The following NUP160 variants were observed in gnomAD, a reference collection of about 807,000 sequenced individuals.
The protein encoded by NUP160 is nucleoporin 160.
A neutral mutation model predicts 196.9 loss-of-function variants in NUP160; 94 were observed. The observed-to-expected ratio is 0.48, with a 90% CI of 0.40 to 0.57. The LOEUF is 0.57. NUP160 is among the 20% of genes least tolerant of loss of function. The pLI is 0.00. For synonymous variants in NUP160, 605 were observed against 619.7 expected (o/e 0.98, Z 0.35); for missense variants, 1,638 against 1,748.3 (o/e 0.94, Z 1.13).
rs1164772188 is a variant in NUP160, at chr11:47,782,289, T to TAAAAAAAAAAA, written c.4116+773_4116+783dup. Among the ~76,000 whole-genome samples, 3 of 31,876 alleles carry TAAAAAAAAAAA rather than the reference T, an allele frequency of 9.4e-5. 1 individual carries two copies. The African/African-American group carries it at 1.4e-3, about 15-fold the overall frequency. The allele number at this position is 31,876 out of a possible 152,430, so 20.9% of individuals were successfully genotyped here. A position where few individuals can be genotyped will look rare whatever the true frequency, so the allele number is the denominator to read the frequency against. On this transcript the variant is annotated intron_variant, in intron 34 of 35. Transcript: ENST00000378460. ...CTTGGGCAACAGAGCAAAACTCAGTTAAAAAAAAAAAAAAATATATATATA... is the reference window on the plus strand; with the variant it reads ...CTTGGGCAACAGAGCAAAACTCAGTTAAAAAAAAAAAAAAAAAAAAAAAAAATATATATATA...
intron 2 of NUP160, among the ~76,000 whole-genome samples, chr11:47,847,647 G>GA (rs1852424598): frequency 1.1e-5 from 1 of 93,024 alleles, no homozygotes; most frequent in Non-Finnish European, 2.5e-5. Flanking sequence ...GTGTGTGGGG[G>GA]TGGGGGGGGG....
rs141557091 is a variant in NUP160, at chr11:47,836,709, A to G, written c.942+178T>C. ...TAATTTTTCCAAATAAAAAGACAGT[A>G]AGTTAGGAGGAAAATATATGCAAAA... On this transcript the variant is annotated intron_variant, in intron 6 of 35. Coordinates refer to ENST00000378460, the Ensembl canonical transcript of NUP160. Among the ~76,000 whole-genome samples, 266 of 152,350 alleles carry G rather than the reference A, an allele frequency of 1.7e-3. 2 individuals are homozygous for G. Among genetic ancestry groups the G allele is most frequent in the African/African-American group, 6.0e-3 (250 of 41,582 alleles).
chr11:47,797,291 C>T (rs537353930), intron 27 of NUP160, among the ~76,000 whole-genome samples: 6 of 152,174 alleles, frequency 3.9e-5, no homozygotes, highest in African/African-American at 1.4e-4. Flanking sequence ...AGTGAAGTGG[C>T]GTGATCTTGG....
At chr11:47,803,599 C>A in intron 21 of NUP160, 63 bp from the exon 22 acceptor site, 1 of 865,694 alleles carries the variant, frequency 1.2e-6, no homozygotes. Flanking sequence ...GATACTCATT[C>A]CCAAGTTATT....
exon 34 of NUP160, chr11:47,783,152 A>T (rs1299152685): frequency 1.2e-6 from 2 of 1,613,968 alleles, no homozygotes; most frequent in South Asian, 2.2e-5. Context: ...TTCTTCTAAA[A>T]GGTCATAGTT....
chr11:47,794,180 C>A lies in NUP160; in HGVS notation c.3290-1234G>T, dbSNP rs138150619. On this transcript the variant is annotated intron_variant, in intron 27 of 35. Coordinates refer to ENST00000378460, the Ensembl canonical transcript of NUP160. ...CACAATATTGTGAATGCACTTAACACTCCCAAACTGTACACTTAAAAATGG... is the reference window on the plus strand; with the variant it reads ...CACAATATTGTGAATGCACTTAACAATCCCAAACTGTACACTTAAAAATGG... Among the ~76,000 whole-genome samples, 37 of 152,294 alleles carry A rather than the reference C, an allele frequency of 2.4e-4. No individual in the cohort carries two copies. In the East Asian group the frequency reaches 6.0e-3, roughly 25 times the overall value.
At position 47,792,963 on chromosome 11, in the gene NUP160, A is replaced by C. The variant is rs1430892448; in HGVS notation, c.3290-17T>G. ...CTGTGCCAGCTATGAGGAGATAATA[A>C]ATTAGACTTTAGAACTTCCAAATTT... On this transcript the variant is annotated splice_polypyrimidine_tract_variant and intron_variant, in intron 27 of 35. Coordinates refer to ENST00000378460, the Ensembl canonical transcript of NUP160. 1.3e-6 allele frequency: 2 copies of C among 1,594,930 alleles called. No homozygotes were observed. Among genetic ancestry groups the C allele is most frequent in the South Asian group, 1.1e-5 (1 of 87,614 alleles).
At chr11:47,783,539 A>G (rs2097662729) in intron 33 of NUP160, among the ~76,000 whole-genome samples, 1 of 152,224 alleles carries the variant, frequency 6.6e-6, no homozygotes, top group Non-Finnish European at 1.5e-5. Flanking sequence ...TTTCCTGAAC[A>G]CTAAAGTGAC....
At chr11:47,788,531 G>T in exon 30 of NUP160, 3 of 1,613,940 alleles carry the variant, frequency 1.9e-6, no homozygotes, top group Non-Finnish European at 2.5e-6. Context: ...GGATCATGCT[G>T]AGCCAAAGTG....
intron 2 of NUP160, among the ~76,000 whole-genome samples, chr11:47,842,238 T>C (rs1852319625): frequency 1.3e-5 from 2 of 152,124 alleles, no homozygotes; most frequent in Non-Finnish European, 2.9e-5. Flanking sequence ...ACCTTGATCC[T>C]GGACCATCTT....
chr11:47,848,348 A>G, exon 1 of NUP160: 2 of 1,613,102 alleles, frequency 1.2e-6, no homozygotes, highest in Middle Eastern at 1.7e-4. Flanking sequence ...CGCCCAACGG[A>G]ACAAAGGCAG....
chr11:47,781,465 A>G (rs2097660798), intron 34 of NUP160, among the ~76,000 whole-genome samples: 2 of 151,972 alleles, frequency 1.3e-5, no homozygotes, highest in African/African-American at 2.4e-5. Context: ...GGTTCTCACT[A>G]TGTTGCCAAG....
intron 2 of NUP160, among the ~76,000 whole-genome samples, chr11:47,842,322 G>C (rs575350640): frequency 1.6e-4 from 24 of 152,258 alleles, no homozygotes; most frequent in Middle Eastern, 3.4e-3. Context: ...CAGCGCTGAT[G>C]ATTTCCCAGA....
At chr11:47,836,816 C>A in intron 6 of NUP160, 71 bp downstream of exon 6, 1 of 938,538 alleles carries the variant, frequency 1.1e-6, no homozygotes, top group Non-Finnish European at 1.7e-6. Flanking sequence ...AGAGAAACAG[C>A]AAAATTTACT....
At chr11:47,835,295 G>A (rs574613813) in intron 7 of NUP160, among the ~76,000 whole-genome samples, 13 of 152,118 alleles carry the variant, frequency 8.5e-5, no homozygotes, top group Non-Finnish European at 1.9e-4. Flanking sequence ...CTCATCTACA[G>A]ACAGCAGCTA....
chr11:47,835,876 A>C, intron 6 of NUP160, 67 bp from the exon 7 acceptor site: 1 of 1,253,214 alleles, frequency 8.0e-7, no homozygotes, highest in Non-Finnish European at 1.1e-6. Flanking sequence ...ATACCTTTTG[A>C]AAGGATGGAC....
intron 28 of NUP160, chr11:47,792,245 T>C: frequency 2.5e-6 from 1 of 396,008 alleles, no homozygotes; most frequent in Non-Finnish European, 4.5e-6. Context: ...CAACTAATTT[T>C]TCTCGGCTCC....
rs1851760403 is a variant in NUP160 at position 47,817,390 on chromosome 11, T to G, written c.1431+666A>C. Among the ~76,000 whole-genome samples the G allele has an allele frequency of 2.0e-5, 3 of 151,668 alleles. No individual in the cohort carries two copies. In the South Asian group the frequency reaches 6.2e-4, roughly 32 times the overall value. On this transcript the variant is annotated intron_variant, in intron 11 of 35. Transcript: ENST00000378460. Reference sequence around the variant, plus strand: ...ACAGAGTCTCACTCTGCCGCCAGTTTGGAGTGCAGTGGCGCAATCTTGGCT... The same window carrying G: ...ACAGAGTCTCACTCTGCCGCCAGTTGGGAGTGCAGTGGCGCAATCTTGGCT...
At chr11:47,819,350 T>C (rs750978026) in intron 10 of NUP160, 24 bp downstream of exon 10, 1 of 1,447,146 alleles carries the variant, frequency 6.9e-7, no homozygotes, top group South Asian at 1.1e-5. Context: ...CATTCCCTTA[T>C]ATAACATTTG....
Sources: gnomAD v4.1 joint callset for allele counts (sites outside exome capture counted in the v4.1 genomes callset) on GRCh38, gnomAD v4.1.1 for gene constraint, MANE v1.5 for transcripts, NCBI Gene and HGNC (gene_info 2026-07-23, HGNC 2026-07-21) for gene names.